The following ALPG variants were observed in gnomAD, a reference collection of about 807,000 sequenced individuals.
ALPG encodes alkaline phosphatase, germ cell.
ALPG carries 32 observed loss-of-function variants against 48.6 expected under a neutral mutation model. The observed-to-expected ratio is 0.66, with a 90% CI of 0.50 to 0.88. ALPG has a LOEUF of 0.88. Ranked by LOEUF, ALPG falls within the 40% of genes least tolerant of loss-of-function variation. ALPG has a pLI of 0.00. For synonymous variants in ALPG, 244 were observed against 308.9 expected (o/e 0.79, Z 2.20); for missense variants, 533 against 718.1 (o/e 0.74, Z 2.95).
Position 232,409,968 on chromosome 2 carries a change from C to T in ALPG, c.*96C>T. 8 of 1,446,380 alleles carry T rather than the reference C, an allele frequency of 5.5e-6. No homozygotes were observed. Among genetic ancestry groups the T allele is most frequent in the Non-Finnish European group, 7.3e-6 (8 of 1,103,268 alleles). 89.6% of individuals were successfully genotyped at this position (1,446,380 alleles called of 1,614,324 possible). A position where few individuals can be genotyped will look rare whatever the true frequency, so the allele number is the denominator to read the frequency against. On this transcript the variant is annotated 3_prime_UTR_variant, in exon 11 of 11. Transcript: ENST00000295453. ...CGGACCTCCACCTGGAGCTGTCACCCCCGGAGTCGCCACACAGACGTCCTG... is the reference window on the plus strand; with the variant it reads ...CGGACCTCCACCTGGAGCTGTCACCTCCGGAGTCGCCACACAGACGTCCTG...
Position 232,409,668 on chromosome 2 carries a change from G to A in ALPG, c.1395G>A (p.Ala465=), listed in dbSNP as rs750420048. 8 of 1,611,526 alleles carry A rather than the reference G, an allele frequency of 5.0e-6. No homozygotes were observed. Among genetic ancestry groups the A allele is most frequent in the Admixed American group, 1.7e-5 (1 of 59,854 alleles). The change falls in exon 11 of 11, where the codon GCG becomes GCA. Residue 465 remains alanine, a synonymous_variant. Coordinates refer to ENST00000295453, the MANE Select transcript of ALPG (RefSeq NM_031313.3). ...CGGTGTTCGCGCGCGGCCCGCAGGCGCACCTGGTTCACGGCGTGCAGGAGC... is the reference window on the plus strand; with the variant it reads ...CGGTGTTCGCGCGCGGCCCGCAGGCACACCTGGTTCACGGCGTGCAGGAGC... ...DVAVFARGPQ[A]HLVHGVQEQT...
At chr2:232,407,195 G>A in intron 2 of ALPG, 22 bp downstream of exon 2, 2 of 1,613,888 alleles carry the variant, frequency 1.2e-6, no homozygotes, top group East Asian at 2.2e-5. Context: ...AGGCCTTCCA[G>A]CCCCGCAGCC....
In ALPG at chr2:232,407,862, G is replaced by C; in HGVS notation, c.493G>C (p.Val165Leu). The change falls in exon 5 of 11, where the codon GTA becomes CTA. Residue 165 changes from valine to leucine, a missense_variant. Val to Leu is a conservative substitution (Grantham distance 32). This residue lies in a region of ALPG where 315 missense variants were observed against 305.8 expected (regional missense o/e 1.03). Transcript: ENST00000295453. The part of the protein sequence containing the change: ...AKKAGKSVGV[V>L]TTTRVQHASP... ...ACCCTCAGGAAAGTCAGTGGGAGTG[G>C]TAACCACCACACGGGTGCAGCATGC... 1 of 1,613,496 alleles carries C rather than the reference G, an allele frequency of 6.2e-7. No individual in the cohort carries two copies. Among genetic ancestry groups the C allele is most frequent in the Non-Finnish European group, 8.5e-7 (1 of 1,180,010 alleles).
rs1697104069 is a variant in ALPG at position 232,407,356 on chromosome 2, G to GAT, written c.256_257insTA (p.Thr86IlefsTer20). The stretch of plus-strand genomic sequence containing the variant: ...AGAAGAAGGACAAACTGGGGCCTGA[G>GAT]ACCTTCCTGGCCATGGACCGCTTCC... On this transcript the variant is annotated frameshift_variant, in exon 3 of 11. Coordinates refer to ENST00000295453, the MANE Select transcript of ALPG (RefSeq NM_031313.3). LOFTEE classifies it high-confidence loss of function. 5 of 1,613,924 alleles carry GAT rather than the reference G, an allele frequency of 3.1e-6. No homozygotes were observed. The highest frequency in any genetic ancestry group is 2.2e-5 in the East Asian group (1 of 44,884).
At chr2:232,407,535 A>G in intron 3 of ALPG, 59 bp from the exon 4 acceptor site, 2 of 1,607,674 alleles carry the variant, frequency 1.2e-6, no homozygotes, top group Admixed American at 1.7e-5. Flanking sequence ...CCCAGAGGAC[A>G]GAGATCAGGG....
intron 1 of ALPG, 32 bp downstream of exon 1, chr2:232,406,993 CA>C: frequency 6.4e-7 from 1 of 1,564,750 alleles, no homozygotes; most frequent in Non-Finnish European, 8.8e-7. Context: ...CCCCTACACA[CA>C]CACACACACA....
Position 232,410,059 on chromosome 2 carries a change from A to G in ALPG, c.*187A>G. The stretch of plus-strand genomic sequence containing the variant: ...CCCTTGACACCACGCCCTTTGCTTT[A>G]TCTTGCTCTTGAAATTTTGGCCCCA... On this transcript the variant is annotated 3_prime_UTR_variant, in exon 11 of 11. Transcript: ENST00000295453. 1 of 960,618 alleles carries G rather than the reference A, an allele frequency of 1.0e-6. No homozygotes were observed. Among genetic ancestry groups the G allele is most frequent in the Non-Finnish European group, 1.5e-6 (1 of 671,190 alleles). The allele number at this position is 960,618 out of a possible 1,614,324, so 59.5% of individuals were successfully genotyped here. A position where few individuals can be genotyped will look rare whatever the true frequency, so the allele number is the denominator to read the frequency against.
rs1390266274 is a variant in ALPG at position 232,409,931 on chromosome 2, C to T, written c.*59C>T. ...CCGGAGTTCCCCTGCTCCCCACCTC[C>T]AGTCGTCCTGCCGGACCTCCACCTG... On this transcript the variant is annotated 3_prime_UTR_variant, in exon 11 of 11. Transcript: ENST00000295453. The T allele has an allele frequency of 3.4e-6, 5 of 1,481,780 alleles. No individual in the cohort carries two copies. In the African/African-American group the frequency reaches 5.6e-5, roughly 17 times the overall value. The allele number at this position is 1,481,780 out of a possible 1,614,324, so 91.8% of individuals were successfully genotyped here.
intron 3 of ALPG, 47 bp downstream of exon 3, chr2:232,407,448 C>A (rs1450536324): frequency 1.2e-6 from 2 of 1,604,078 alleles, no homozygotes; most frequent in Admixed American, 1.7e-5. Flanking sequence ...GAAGGGGAAT[C>A]CTGGCTATGG....
chr2:232,408,013 T>C lies in ALPG; in HGVS notation c.644T>C (p.Ile215Thr). 1 of 1,609,948 alleles carries C rather than the reference T, an allele frequency of 6.2e-7. No homozygotes were observed. The highest frequency in any genetic ancestry group is 1.7e-4 in the Middle Eastern group (1 of 5,932). The change falls in exon 5 of 11, where the codon ATT (isoleucine) becomes ACT (threonine). Residue 215 changes from isoleucine to threonine, a missense_variant. Ile to Thr is a moderately conservative substitution (Grantham distance 89). Coordinates refer to ENST00000295453, the MANE Select transcript of ALPG (RefSeq NM_031313.3). ...IATQLISNMDIDVILGGGRKY... is the reference protein window; with the variant it reads ...IATQLISNMDTDVILGGGRKY... ...ACGCAGCTCATCTCCAACATGGACA[T>C]TGATGTGCGACCCCCGGGCCAAGGG...
rs142232440 is a variant in ALPG at position 232,407,387 on chromosome 2, G to A, written c.286G>A (p.Val96Met). ...CCTGGCCATGGACCGCTTCCCGTAC[G>A]TGGCTCTGTCCAAGGTAAGTGCTGG... ...TFLAMDRFPYVALSKTYSVDK... is the reference protein window; with the variant it reads ...TFLAMDRFPYMALSKTYSVDK... The change falls in exon 3 of 11, where the codon GTG (valine) becomes ATG (methionine). Residue 96 changes from valine to methionine, a missense_variant. Val to Met is a conservative substitution (Grantham distance 21). This residue lies in a region of ALPG where 315 missense variants were observed against 305.8 expected (regional missense o/e 1.03). Transcript: ENST00000295453. 145 of 1,613,890 alleles carry A rather than the reference G, an allele frequency of 9.0e-5. No individual in the cohort carries two copies. Among genetic ancestry groups the A allele is most frequent in the African/African-American group, 3.6e-4 (27 of 75,026 alleles).
intron 2 of ALPG, 52 bp downstream of exon 2, chr2:232,407,225 G>C: frequency 1.2e-6 from 2 of 1,613,882 alleles, no homozygotes; most frequent in Non-Finnish European, 1.7e-6. Context: ...CCGGCGCCCG[G>C]ACCCTCAGTG....
rs370729577 is a variant in ALPG, at chr2:232,407,376, G to A, written c.275G>A (p.Arg92His). ...CCTGAGACCTTCCTGGCCATGGACC[G>A]CTTCCCGTACGTGGCTCTGTCCAAG... ...LGPETFLAMD[R>H]FPYVALSKTY... Residue 92 changes from arginine to histidine, a missense_variant, in exon 3 of 11, where the codon CGC (arginine) becomes CAC (histidine). Arg to His is a conservative substitution (Grantham distance 29). Transcript: ENST00000295453. 33 of 1,613,770 alleles carry A rather than the reference G, an allele frequency of 2.0e-5. No individual in the cohort carries two copies. Among genetic ancestry groups the A allele is most frequent in the African/African-American group, 8.0e-5 (6 of 74,896 alleles).
At chr2:232,409,263 G>C in intron 9 of ALPG, 69 bp from the exon 10 acceptor site, 1 of 1,570,842 alleles carries the variant, frequency 6.4e-7, no homozygotes, top group Non-Finnish European at 8.7e-7. Flanking sequence ...AAAACGTGGC[G>C]GTGCCTAGCA....
rs758750585 is a variant in ALPG at position 232,407,997 on chromosome 2, A to C, written c.628A>C (p.Ile210Leu). The change falls in exon 5 of 11, where the codon ATC becomes CTC. Residue 210 changes from isoleucine (I) to leucine (L), a missense_variant. Ile to Leu is a conservative substitution (Grantham distance 5, BLOSUM62 2). Around this residue, in one of 6 missense-constraint regions of ALPG, gnomAD observed 315 missense variants for 305.8 expected, o/e 1.03. Coordinates refer to ENST00000295453, the MANE Select transcript of ALPG (RefSeq NM_031313.3). ...EGCQDIATQLISNMDIDVILG... is the reference protein window; with the variant it reads ...EGCQDIATQLLSNMDIDVILG... ...GTGCCAGGACATCGCCACGCAGCTC[A>C]TCTCCAACATGGACATTGATGTGCG... 1 of 1,612,278 alleles carries C rather than the reference A, an allele frequency of 6.2e-7. No homozygotes were observed. Among genetic ancestry groups the C allele is most frequent in the Non-Finnish European group, 8.5e-7 (1 of 1,179,508 alleles).
rs1299766312 is a variant in ALPG at position 232,409,882 on chromosome 2, C to A, written c.*10C>A. On this transcript the variant is annotated 3_prime_UTR_variant, in exon 11 of 11. Transcript: ENST00000295453. ...GGCCACTGCTCCCTGAGTGTCCCGT[C>A]CCTGGGGCTCCTGCTTCCCCATCCC... The A allele has an allele frequency of 6.5e-7, 1 of 1,541,306 alleles. No homozygotes were observed. The highest frequency in any genetic ancestry group is 8.7e-7 in the Non-Finnish European group (1 of 1,149,600).
Sources: gnomAD v4.1 joint callset for allele counts on GRCh38, gnomAD v4.1.1 for gene constraint, gnomAD v4.1.1 regional missense constraint, MANE v1.5 for transcripts, NCBI Gene and HGNC (gene_info 2026-07-23, HGNC 2026-07-21) for gene names.